The following FAM53A variants were observed in gnomAD, a reference collection of about 807,000 sequenced individuals.
FAM53A encodes the protein protein FAM53A.
In FAM53A, 28 loss-of-function variants were observed where a neutral mutation model predicts 26.6. The ratio of observed to expected loss-of-function variants is 1.05; its 90% CI spans 0.78 to 1.45. The LOEUF is 1.45. Among genes scored for constraint, FAM53A ranks in the 40% most tolerant of loss-of-function variants. FAM53A has a pLI of 0.00. For synonymous variants in FAM53A, 290 were observed against 253.1 expected (o/e 1.15, Z -1.38); for missense variants, 650 against 575.8 (o/e 1.13, Z -1.32).
chr4:1,684,092 G>A (rs933720077), intron 1 of FAM53A, 141 bp downstream of exon 1: 6 of 152,186 alleles, frequency 3.9e-5, no homozygotes, highest in African/African-American at 1.4e-4. Context: ...CACGCGCCCA[G>A]CTCGGAGCGC....
intron 2 of FAM53A, among the ~76,000 whole-genome samples, chr4:1,663,549 T>C (rs1160496739): frequency 6.6e-6 from 1 of 152,162 alleles, no homozygotes; most frequent in Non-Finnish European, 1.5e-5. Context: ...CAGCACTGCC[T>C]GCGAGAACAT....
chr4:1,576,157 A>C, the FAM53A span, among the ~76,000 whole-genome samples: 3 of 152,226 alleles, frequency 2.0e-5, no homozygotes, highest in Non-Finnish European at 4.4e-5. Flanking sequence ...CTTATCACAC[A>C]GTCAGAACTG....
chr4:1,672,953 A>G (rs1346467010), intron 1 of FAM53A, among the ~76,000 whole-genome samples: 1 of 152,020 alleles, frequency 6.6e-6, no homozygotes, highest in Non-Finnish European at 1.5e-5. Context: ...TATTTGTAGT[A>G]AAGACAGCAT....
upstream of FAM53A, among the ~76,000 whole-genome samples, chr4:1,684,900 G>C (rs1039713494): frequency 2.6e-5 from 4 of 152,228 alleles, no homozygotes; most frequent in African/African-American, 9.6e-5. Context: ...GTTGGGGCCT[G>C]GTTCCGTCCG....
At chr4:1,583,905 C>A in the FAM53A span, among the ~76,000 whole-genome samples, 1 of 152,260 alleles carries the variant, frequency 6.6e-6, no homozygotes, top group African/African-American at 2.4e-5. Context: ...TATCTCACTG[C>A]TGTTTCCATT....
the FAM53A span, among the ~76,000 whole-genome samples, chr4:1,587,051 C>G: frequency 2.0e-5 from 3 of 152,172 alleles, no homozygotes; most frequent in African/African-American, 7.2e-5. Flanking sequence ...TGAGAAATGT[C>G]TACTTAGGTC....
intron 3 of FAM53A, 42 bp from the exon 4 acceptor site, chr4:1,655,765 A>G: frequency 9.4e-6 from 14 of 1,496,736 alleles, no homozygotes; most frequent in Non-Finnish European, 1.2e-5. Context: ...GAGACAGGTG[A>G]GCCACAGGGC....
chr4:1,598,309 G>C, the FAM53A span, among the ~76,000 whole-genome samples: 2 of 152,280 alleles, frequency 1.3e-5, no homozygotes, highest in South Asian at 4.1e-4. Flanking sequence ...GAGTGTGCGG[G>C]AAAAACGTGG....
the FAM53A span, among the ~76,000 whole-genome samples, chr4:1,600,925 TCGA>T: frequency 6.6e-6 from 1 of 152,154 alleles, no homozygotes; most frequent in Non-Finnish European, 1.5e-5. Flanking sequence ...GCTGTTAGGC[TCGA>T]CGTCTGGGAC....
At chr4:1,607,833 G>A in the FAM53A span, among the ~76,000 whole-genome samples, 3 of 152,060 alleles carry the variant, frequency 2.0e-5, no homozygotes, top group East Asian at 1.9e-4. Flanking sequence ...CCAGCTACTC[G>A]GGAGGCTGAG....
At chr4:1,645,927 C>T (rs560186529) in intron 4 of FAM53A, among the ~76,000 whole-genome samples, 1 of 152,296 alleles carries the variant, frequency 6.6e-6, no homozygotes, top group Non-Finnish European at 1.5e-5. Flanking sequence ...CGGGCCTGCA[C>T]AAGACACGAG....
intron 1 of FAM53A, among the ~76,000 whole-genome samples, chr4:1,624,340 C>T (rs934231022): frequency 1.3e-5 from 2 of 152,200 alleles, no homozygotes; most frequent in African/African-American, 4.8e-5. Context: ...AAGGGAGACA[C>T]AGGTATCCCT....
chr4:1,666,221 C>G (rs1182584886), intron 2 of FAM53A, among the ~76,000 whole-genome samples: 1 of 137,098 alleles, frequency 7.3e-6, no homozygotes, highest in African/African-American at 2.8e-5. Flanking sequence ...TGCACCTGCA[C>G]CCCCTGTATC....
At chr4:1,657,794 C>A (rs1021766581) in intron 2 of FAM53A, among the ~76,000 whole-genome samples, 2 of 151,784 alleles carry the variant, frequency 1.3e-5, no homozygotes, top group African/African-American at 2.4e-5. Context: ...CCCACCACCA[C>A]GCCCGGTTAA....
chr4:1,635,957 C>T (rs1019574100), downstream of FAM53A, among the ~76,000 whole-genome samples: 1 of 150,632 alleles, frequency 6.6e-6, no homozygotes, highest in Non-Finnish European at 1.5e-5. Flanking sequence ...CATTCTCCTG[C>T]CTCAGCCTCC....
At chr4:1,577,870 G>A in the FAM53A span, among the ~76,000 whole-genome samples, 22 of 152,184 alleles carry the variant, frequency 1.4e-4, no homozygotes, top group African/African-American at 4.1e-4. Flanking sequence ...GACAAACACA[G>A]GCTCTGCCGG....
downstream of FAM53A, among the ~76,000 whole-genome samples, chr4:1,614,117 G>A (rs1217769811): frequency 6.6e-6 from 1 of 152,210 alleles, no homozygotes; most frequent in African/African-American, 2.4e-5. Context: ...TCGGTGTGGA[G>A]CAGCAGACAC....
intron 1 of FAM53A, among the ~76,000 whole-genome samples, chr4:1,633,109 C>T (rs947661010): frequency 1.3e-5 from 2 of 152,006 alleles, no homozygotes; most frequent in African/African-American, 4.8e-5. Flanking sequence ...TACACTCATG[C>T]TCACAAACAT....
At chr4:1,650,318 G>A (rs1712656510) in intron 4 of FAM53A, among the ~76,000 whole-genome samples, 1 of 142,690 alleles carries the variant, frequency 7.0e-6, no homozygotes, top group Non-Finnish European at 1.5e-5. Flanking sequence ...GGTGGCACAG[G>A]CATAGTGTTT....
Sources: allele counts gnomAD v4.1 joint callset (sites outside exome capture counted in the v4.1 genomes callset), GRCh38; gene constraint gnomAD v4.1.1; transcripts MANE v1.5; gene names NCBI Gene and HGNC (gene_info 2026-07-23, HGNC 2026-07-21).